The following UBE2E2 variants were observed in gnomAD, a reference collection of about 807,000 sequenced individuals.
The protein encoded by UBE2E2 is ubiquitin conjugating enzyme E2 E2, also known as ubiquitin-conjugating enzyme E2 E2.
UBE2E2 carries 6 observed loss-of-function variants against 24.7 expected under a neutral mutation model. The observed-to-expected ratio is 0.24, with a 90% CI of 0.13 to 0.48. UBE2E2 has a LOEUF of 0.48. Ranked by LOEUF, UBE2E2 falls within the 20% of genes least tolerant of loss-of-function variation. The pLI, the probability that UBE2E2 is intolerant of heterozygous loss-of-function variation, is 0.99. For missense variants in UBE2E2, 169 were observed against 245.0 expected (o/e 0.69, Z 2.07); for synonymous variants, 104 against 83.6 (o/e 1.24, Z -1.33).
At chr3:23,347,269 C>T (rs1695585608) in intron 3 of UBE2E2, among the ~76,000 whole-genome samples, 1 of 152,136 alleles carries the variant, frequency 6.6e-6, no homozygotes, top group Non-Finnish European at 1.5e-5. Context: ...TTTATTGTGG[C>T]ACTATTCGCA....
intron 3 of UBE2E2, among the ~76,000 whole-genome samples, chr3:23,393,222 TAGAC>T (rs1310132578): frequency 6.6e-6 from 1 of 152,078 alleles, no homozygotes. Context: ...GGGGATAAAA[TAGAC>T]ATGACTTAAT....
chr3:23,588,160 G>C (rs1443485998), intron 5 of UBE2E2, among the ~76,000 whole-genome samples: 1 of 152,124 alleles, frequency 6.6e-6, no homozygotes, highest in Non-Finnish European at 1.5e-5. Flanking sequence ...CACAGACGTA[G>C]TTCCATATTC....
intron 5 of UBE2E2, among the ~76,000 whole-genome samples, chr3:23,588,360 C>G (rs1575727340): frequency 6.7e-6 from 1 of 149,160 alleles, no homozygotes; most frequent in South Asian, 2.1e-4. Context: ...CTTTAGGAAC[C>G]TAAGTTACTT....
intron 3 of UBE2E2, among the ~76,000 whole-genome samples, chr3:23,386,980 A>C (rs1696818016): frequency 6.6e-6 from 1 of 152,212 alleles, no homozygotes; most frequent in Admixed American, 6.5e-5. Flanking sequence ...AAGTTGCTGA[A>C]TTAGAAAGCA....
In UBE2E2 at chr3:23,489,460, G is replaced by A. The variant is rs537032595; in HGVS notation, c.228-10148G>A. On this transcript the variant is annotated intron_variant, in intron 3 of 5. Transcript: ENST00000396703. ...ATTCCTGTGAGAATCTATTGCCACC[G>A]CTGATGTGACAGAAGAGGACATTAG... Among the ~76,000 whole-genome samples, 46 of 152,134 alleles carry A rather than the reference G, an allele frequency of 3.0e-4. No homozygotes were observed. The South Asian group carries it at 5.2e-3, about 17-fold the overall frequency.
intron 3 of UBE2E2, among the ~76,000 whole-genome samples, chr3:23,245,440 G>A (rs1015129598): frequency 1.6e-4 from 25 of 152,098 alleles, no homozygotes; most frequent in African/African-American, 6.0e-4. Flanking sequence ...AATCCTAACT[G>A]TAAATCTTAT....
intron 5 of UBE2E2, among the ~76,000 whole-genome samples, chr3:23,577,961 A>G (rs4513393): frequency 0.64 from 95,955 of 150,158 alleles, 31,045 homozygotes; most frequent in African/African-American, 0.74. Flanking sequence ...ATCTTTTTTA[A>G]TATGACGTAC....
intron 3 of UBE2E2, among the ~76,000 whole-genome samples, chr3:23,472,612 G>C (rs1252100805): frequency 1.3e-5 from 2 of 150,444 alleles, no homozygotes; most frequent in Non-Finnish European, 2.9e-5. Context: ...AGACCTAGCA[G>C]ATTAAATTGG....
In UBE2E2 at chr3:23,426,913, T is replaced by A. The variant is rs554267498; in HGVS notation, c.228-72695T>A. ...TAATAGCAACAATATATTGTGTGCGTATACACACACACATATATATATACT... is the reference window on the plus strand; with the variant it reads ...TAATAGCAACAATATATTGTGTGCGAATACACACACACATATATATATACT... On this transcript the variant is annotated intron_variant, in intron 3 of 5. Coordinates refer to ENST00000396703, the MANE Select transcript of UBE2E2 (RefSeq NM_152653.4). Among the ~76,000 whole-genome samples, 67 of 152,232 alleles carry A rather than the reference T, an allele frequency of 4.4e-4. 1 individual carries two copies. Among genetic ancestry groups the A allele is most frequent in the African/African-American group, 1.6e-3 (65 of 41,564 alleles).
intron 3 of UBE2E2, among the ~76,000 whole-genome samples, chr3:23,327,727 T>C (rs1178165988): frequency 6.6e-6 from 1 of 152,254 alleles, no homozygotes; most frequent in Non-Finnish European, 1.5e-5. Context: ...GACAAAATTT[T>C]ATAGACTGGT....
At chr3:23,243,908 G>A (rs1035238133) in intron 3 of UBE2E2, among the ~76,000 whole-genome samples, 5 of 151,706 alleles carry the variant, frequency 3.3e-5, no homozygotes, top group East Asian at 1.9e-4. Context: ...CCTTAGGATC[G>A]TTCTTTTACC....
Position 23,248,126 on chromosome 3 carries a change from G to A in UBE2E2, c.227+30814G>A, listed in dbSNP as rs557800078. 1.1e-4 allele frequency among the ~76,000 whole-genome samples: 16 copies of A among 152,040 alleles called. No homozygotes were observed. The East Asian group carries it at 2.7e-3, about 26-fold the overall frequency. On this transcript the variant is annotated intron_variant, in intron 3 of 5. Coordinates refer to ENST00000396703, the MANE Select transcript of UBE2E2 (RefSeq NM_152653.4). ...TGATGCCCATCTTTTTTGTAGTCGA[G>A]TACATTTTTTCTTCCATCAAAAAAG... is the stretch of plus-strand genomic sequence containing the variant.
intron 3 of UBE2E2, among the ~76,000 whole-genome samples, chr3:23,396,346 G>T (rs369215523): frequency 2.5e-5 from 3 of 120,282 alleles, no homozygotes; most frequent in South Asian, 2.8e-4. Context: ...TATATATATA[G>T]CATTTTATTT....
intron 3 of UBE2E2, among the ~76,000 whole-genome samples, chr3:23,258,226 C>T (rs954865025): frequency 6.6e-6 from 1 of 152,050 alleles, no homozygotes. Flanking sequence ...GTCGATTCCT[C>T]ACAAGGGGAG....
intron 5 of UBE2E2, among the ~76,000 whole-genome samples, chr3:23,557,481 C>G (rs1489005270): frequency 6.6e-6 from 1 of 152,178 alleles, no homozygotes; most frequent in Non-Finnish European, 1.5e-5. Context: ...GCAGGACACA[C>G]TCACACACAG....
At chr3:23,504,124 A>C (rs956331132) in intron 4 of UBE2E2, among the ~76,000 whole-genome samples, 4 of 152,186 alleles carry the variant, frequency 2.6e-5, no homozygotes, top group African/African-American at 9.7e-5. Flanking sequence ...GTACACGTAC[A>C]TGCCTGTACA....
At chr3:23,571,271 T>A (rs1696215829) in intron 5 of UBE2E2, among the ~76,000 whole-genome samples, 1 of 141,192 alleles carries the variant, frequency 7.1e-6, no homozygotes, top group Non-Finnish European at 1.5e-5. Context: ...CTCACCTGTG[T>A]GCTCCTTTCT....
chr3:23,352,975 A>G (rs1178697273), intron 3 of UBE2E2, among the ~76,000 whole-genome samples: 7 of 152,208 alleles, frequency 4.6e-5, no homozygotes, highest in Non-Finnish European at 7.3e-5. Context: ...CATTGATGCA[A>G]AAATCCTCAA....
At chr3:23,512,028 T>A (rs1694605790) in intron 4 of UBE2E2, among the ~76,000 whole-genome samples, 1 of 152,024 alleles carries the variant, frequency 6.6e-6, no homozygotes, top group Non-Finnish European at 1.5e-5. Flanking sequence ...GTGATTAGGA[T>A]CACATAGCTA....
Sources: gnomAD v4.1 joint callset for allele counts (sites outside exome capture counted in the v4.1 genomes callset) on GRCh38, gnomAD v4.1.1 for gene constraint, MANE v1.5 for transcripts, NCBI Gene and HGNC (gene_info 2026-07-23, HGNC 2026-07-21) for gene names.